REDIC1: variants seen among roughly 807,000 people sequenced by gnomAD.
REDIC1 encodes HEI10 Interacting Protein 1.
At chr12:39,807,205 G>A in the REDIC1 span, among the ~76,000 whole-genome samples, 2 of 152,302 alleles carry the variant, frequency 1.3e-5, no homozygotes, top group East Asian at 1.9e-4. Flanking sequence ...ACAGGGCCAC[G>A]TAGGATGTGG....
the REDIC1 span, among the ~76,000 whole-genome samples, chr12:39,838,298 A>T: frequency 7.0e-6 from 1 of 143,048 alleles, no homozygotes; most frequent in Non-Finnish European, 1.5e-5. Flanking sequence ...CAATGAGATC[A>T]CATGGACACA....
chr12:39,660,303 G>C, the REDIC1 span, among the ~76,000 whole-genome samples: 131,863 of 152,078 alleles, frequency 0.87, 57,414 homozygotes, highest in African/African-American at 0.92. Context: ...GGATCCCCAG[G>C]TGTTTCCTCA....
At chr12:39,804,403 G>C in the REDIC1 span, among the ~76,000 whole-genome samples, 3 of 152,092 alleles carry the variant, frequency 2.0e-5, no homozygotes, top group African/African-American at 7.2e-5. Context: ...AAGAGAAACT[G>C]ACAACTTCAC....
At chr12:39,680,045 C>T in the REDIC1 span, among the ~76,000 whole-genome samples, 22 of 152,106 alleles carry the variant, frequency 1.4e-4, no homozygotes, top group African/African-American at 3.6e-4. Flanking sequence ...AAGATAACAT[C>T]GGAAAAACTC....
At chr12:39,795,343 T>C in the REDIC1 span, among the ~76,000 whole-genome samples, 1 of 152,194 alleles carries the variant, frequency 6.6e-6, no homozygotes, top group African/African-American at 2.4e-5. Context: ...TAATTTATCA[T>C]ATATTTCTTT....
chr12:39,666,513 T>G, the REDIC1 span, among the ~76,000 whole-genome samples: 1 of 152,226 alleles, frequency 6.6e-6, no homozygotes, highest in African/African-American at 2.4e-5. Flanking sequence ...TCAGGAATAT[T>G]GGTCTAAAGT....
chr12:39,850,842 T>C, the REDIC1 span, among the ~76,000 whole-genome samples: 2 of 152,180 alleles, frequency 1.3e-5, no homozygotes, highest in African/African-American at 4.8e-5. Flanking sequence ...AATGTATCCA[T>C]TTTACAATGA....
the REDIC1 span, among the ~76,000 whole-genome samples, chr12:39,700,168 G>C: frequency 2.0e-5 from 3 of 152,052 alleles, no homozygotes; most frequent in Non-Finnish European, 4.4e-5. Context: ...TCAAACCAAA[G>C]GCAAAGAAGT....
the REDIC1 span, among the ~76,000 whole-genome samples, chr12:39,750,151 T>C: frequency 6.6e-6 from 1 of 152,220 alleles, no homozygotes; most frequent in Non-Finnish European, 1.5e-5. Context: ...GATGACATGA[T>C]TGTGTATTTA....
chr12:39,846,659 C>T, the REDIC1 span, among the ~76,000 whole-genome samples: 1 of 152,066 alleles, frequency 6.6e-6, no homozygotes, highest in Non-Finnish European at 1.5e-5. Flanking sequence ...GCCACGTTGC[C>T]CAGGCTGCTC....
chr12:39,829,395 TTTTTTTTTTTTTTTTTTTTTC>T, the REDIC1 span: 1 of 85,782 alleles, frequency 1.2e-5, no homozygotes, highest in African/African-American at 5.0e-5. Context: ...AGTAATTCTT[TTTTTTTTTTTTTTTTTTTTTC>T]TTTTTTTTGA....
At chr12:39,713,533 C>G in the REDIC1 span, among the ~76,000 whole-genome samples, 1 of 148,892 alleles carries the variant, frequency 6.7e-6, no homozygotes, top group African/African-American at 2.5e-5. Context: ...CATGTGTACA[C>G]GTACATACGT....
the REDIC1 span, among the ~76,000 whole-genome samples, chr12:39,778,042 ACACTGCCATGGGGTTGGAGTCC>A: frequency 6.6e-6 from 1 of 152,142 alleles, no homozygotes; most frequent in East Asian, 1.9e-4. Flanking sequence ...TCACCCCTAG[ACACTGCCATGGGGTTGGAGTCC>A]CACAGCCTGC....
chr12:39,688,545 G>C, the REDIC1 span, among the ~76,000 whole-genome samples: 1 of 152,112 alleles, frequency 6.6e-6, no homozygotes, highest in Non-Finnish European at 1.5e-5. Context: ...AATACAAAAA[G>C]GTAGGTCATG....
At chr12:39,807,249 G>C in the REDIC1 span, among the ~76,000 whole-genome samples, 1 of 152,148 alleles carries the variant, frequency 6.6e-6, no homozygotes, top group African/African-American at 2.4e-5. Flanking sequence ...ACCACCACTA[G>C]GGATCCCTGT....
the REDIC1 span, among the ~76,000 whole-genome samples, chr12:39,737,177 G>C: frequency 6.6e-6 from 1 of 152,138 alleles, no homozygotes; most frequent in Non-Finnish European, 1.5e-5. Flanking sequence ...ATATTAAATG[G>C]ATTGGAGCAC....
chr12:39,790,488 T>C, the REDIC1 span, among the ~76,000 whole-genome samples: 16 of 150,978 alleles, frequency 1.1e-4, no homozygotes, highest in Admixed American at 2.6e-4. Flanking sequence ...TTTGTTCTTG[T>C]GATAGTTTGC....
chr12:39,647,672 A>G, the REDIC1 span: 1 of 705,420 alleles, frequency 1.4e-6, no homozygotes, highest in East Asian at 3.3e-5. Context: ...GCCTTGCCTT[A>G]GGACATTTTC....
the REDIC1 span, among the ~76,000 whole-genome samples, chr12:39,902,717 T>C: frequency 3.4e-4 from 52 of 152,196 alleles, no homozygotes; most frequent in African/African-American, 1.2e-3. Flanking sequence ...TCACCTTCAT[T>C]TACCTTTAGA....
Sources: gnomAD v4.1 joint callset for allele counts (sites outside exome capture counted in the v4.1 genomes callset) on GRCh38, gnomAD v4.1.1 for gene constraint, MANE v1.5 for transcripts, NCBI Gene and HGNC (gene_info 2026-07-23, HGNC 2026-07-21) for gene names.